CLEC2A: variants seen among roughly 807,000 people sequenced by gnomAD.
CLEC2A encodes the protein C-type lectin domain family 2 member A, also known as keratinocyte-associated C-type lectin.
CLEC2A carries 19 observed loss-of-function variants against 18.6 expected under a neutral mutation model. The ratio of observed to expected loss-of-function variants is 1.02; its 90% CI spans 0.71 to 1.50. The LOEUF (loss-of-function observed/expected upper bound fraction) is 1.50, where lower values mean the gene tolerates loss of function less well. CLEC2A is among the 40% of genes most tolerant of loss of function. The pLI, the probability that CLEC2A is intolerant of heterozygous loss-of-function variation, is 0.00. For missense variants in CLEC2A, 190 were observed against 207.9 expected (o/e 0.91, Z 0.53); for synonymous variants, 74 against 64.0 (o/e 1.16, Z -0.75).
At chr12:9,907,513 C>T (rs1862922820) in intron 4 of CLEC2A, among the ~76,000 whole-genome samples, 1 of 152,148 alleles carries the variant, frequency 6.6e-6, no homozygotes, top group Non-Finnish European at 1.5e-5. Flanking sequence ...TTTGCCTTTA[C>T]TTATTAAGTG....
At chr12:9,930,116 G>A (rs1373792597) in intron 1 of CLEC2A, among the ~76,000 whole-genome samples, 2 of 152,126 alleles carry the variant, frequency 1.3e-5, no homozygotes, top group Non-Finnish European at 2.9e-5. Context: ...TCCTTGTGAG[G>A]CCTGTAAGGA....
intron 3 of CLEC2A, among the ~76,000 whole-genome samples, chr12:9,919,243 G>C (rs1299077538): frequency 6.6e-6 from 1 of 152,204 alleles, no homozygotes; most frequent in Admixed American, 6.5e-5. Context: ...GACCTTAGTA[G>C]TGGTTAAAGC....
chr12:9,879,240 C>T, the CLEC2A span, among the ~76,000 whole-genome samples: 1 of 152,122 alleles, frequency 6.6e-6, no homozygotes, highest in Non-Finnish European at 1.5e-5. Flanking sequence ...ATGTATGTTG[C>T]CCAGAAACTT....
At chr12:9,894,697 T>G (rs1268019003), downstream of CLEC2A, among the ~76,000 whole-genome samples, 1 of 152,186 alleles carries the variant, frequency 6.6e-6, no homozygotes, top group African/African-American at 2.4e-5. Context: ...ATAGTTCATT[T>G]CAGTTCAGAT....
intron 1 of CLEC2A, among the ~76,000 whole-genome samples, chr12:9,931,013 T>C (rs1003544153): frequency 2.6e-5 from 4 of 152,120 alleles, no homozygotes; most frequent in Admixed American, 6.5e-5. Flanking sequence ...CATTAATATC[T>C]TTTCTTTTGG....
intron 1 of CLEC2A, among the ~76,000 whole-genome samples, chr12:9,930,938 A>G (rs1390224676): frequency 6.6e-6 from 1 of 151,608 alleles, no homozygotes; most frequent in Non-Finnish European, 1.5e-5. Context: ...TTTATTTCAA[A>G]CACTATATTT....
At chr12:9,889,687 T>C in the CLEC2A span, among the ~76,000 whole-genome samples, 1 of 151,620 alleles carries the variant, frequency 6.6e-6, no homozygotes, top group South Asian at 2.1e-4. Flanking sequence ...TATACATATA[T>C]ACACACATAT....
At chr12:9,909,195 G>A (rs1862946083), downstream of CLEC2A, among the ~76,000 whole-genome samples, 3 of 152,092 alleles carry the variant, frequency 2.0e-5, no homozygotes, top group African/African-American at 4.8e-5. Context: ...TCCTTCCCCT[G>A]TTGTGTGCTG....
intron 4 of CLEC2A, among the ~76,000 whole-genome samples, chr12:9,915,070 A>G (rs1863048670): frequency 6.6e-6 from 1 of 152,152 alleles, no homozygotes; most frequent in Non-Finnish European, 1.5e-5. Flanking sequence ...AAAAGAAGAC[A>G]TTTATGCAGC....
At chr12:9,924,986 A>G (rs1027607917) in intron 2 of CLEC2A, among the ~76,000 whole-genome samples, 1 of 152,236 alleles carries the variant, frequency 6.6e-6, no homozygotes, top group African/African-American at 2.4e-5. Flanking sequence ...TGTGCAAACA[A>G]CATTTGTTAA....
At chr12:9,922,579 G>C (rs532511674) in intron 2 of CLEC2A, among the ~76,000 whole-genome samples, 1 of 152,290 alleles carries the variant, frequency 6.6e-6, no homozygotes, top group South Asian at 2.1e-4. Flanking sequence ...TTTAGGTTTC[G>C]AGGTTAGGGT....
At chr12:9,901,983 T>C (rs1207136955) in intron 4 of CLEC2A, among the ~76,000 whole-genome samples, 1 of 152,214 alleles carries the variant, frequency 6.6e-6, no homozygotes, top group Admixed American at 6.5e-5. Context: ...TTCACAATTC[T>C]TCCACCACTT....
At chr12:9,930,783 TTTCTAC>T (rs1863362074) in intron 1 of CLEC2A, among the ~76,000 whole-genome samples, 1 of 152,024 alleles carries the variant, frequency 6.6e-6, no homozygotes, top group South Asian at 2.1e-4. Flanking sequence ...GAAGGTGGCA[TTTCTAC>T]TTCTATTTTT....
downstream of CLEC2A, among the ~76,000 whole-genome samples, chr12:9,910,792 G>A (rs146889364): frequency 1.6e-3 from 243 of 152,230 alleles, 1 homozygote; most frequent in Admixed American, 2.4e-3. Context: ...TGCTGGGGGA[G>A]GTCCTGATCC....
At chr12:9,899,104 C>T (rs888115204) in intron 4 of CLEC2A, 13 of 518,922 alleles carry the variant, frequency 2.5e-5, no homozygotes, top group African/African-American at 3.8e-5. Flanking sequence ...GAGAGGCAGG[C>T]GAAAAGCCCT....
chr12:9,888,316 C>T, the CLEC2A span, among the ~76,000 whole-genome samples: 2 of 151,212 alleles, frequency 1.3e-5, no homozygotes, highest in Non-Finnish European at 3.0e-5. Flanking sequence ...TCATGAAACC[C>T]CATCTCTACT....
the CLEC2A span, among the ~76,000 whole-genome samples, chr12:9,878,118 G>GAA: frequency 1.6e-4 from 24 of 149,806 alleles, no homozygotes; most frequent in South Asian, 6.3e-4. Context: ...GACCCTGTCT[G>GAA]AAAAAAAAAA....
intron 3 of CLEC2A, among the ~76,000 whole-genome samples, chr12:9,919,722 C>G (rs73247980): frequency 0.011 from 1,675 of 152,220 alleles, 36 homozygotes; most frequent in African/African-American, 0.039. Context: ...GTGGCCATCT[C>G]CAGTCCCTAT....
chr12:9,906,506 C>T (rs368831412), intron 4 of CLEC2A, among the ~76,000 whole-genome samples: 4 of 152,102 alleles, frequency 2.6e-5, no homozygotes, highest in Non-Finnish European at 4.4e-5. Flanking sequence ...TTGGCCTTTG[C>T]GGTTAATAAG....
Sources: gnomAD v4.1 joint callset for allele counts (sites outside exome capture counted in the v4.1 genomes callset) on GRCh38, gnomAD v4.1.1 for gene constraint, MANE v1.5 for transcripts, NCBI Gene and HGNC (gene_info 2026-07-23, HGNC 2026-07-21) for gene names.